The following AKAP13 variants were observed in gnomAD, a reference collection of about 807,000 sequenced individuals.
The protein encoded by AKAP13 is A-kinase anchoring protein 13.
In AKAP13, 80 loss-of-function variants were observed where a neutral mutation model predicts 264.5. That is an observed-to-expected ratio of 0.30 (90% CI 0.25 to 0.36). AKAP13 has a LOEUF of 0.36. AKAP13 is among the 10% of genes least tolerant of loss of function. The pLI is 1.00. For synonymous variants in AKAP13, 1,380 were observed against 1,250.2 expected (o/e 1.10, Z -2.19); for missense variants, 3,712 against 3,435.2 (o/e 1.08, Z -2.01).
intron 3 of AKAP13, among the ~76,000 whole-genome samples, chr15:85,525,740 A>G (rs557651645): frequency 3.1e-4 from 47 of 152,334 alleles, no homozygotes; most frequent in Non-Finnish European, 5.7e-4. Context: ...TTGTTTTTTT[A>G]AGACCTATGT....
At chr15:85,646,974 A>G (rs1256601060) in intron 10 of AKAP13, among the ~76,000 whole-genome samples, 9 of 152,240 alleles carry the variant, frequency 5.9e-5, no homozygotes, top group Admixed American at 4.6e-4. Context: ...AAGGAGGTGA[A>G]GAGGCGGAAA....
Position 85,599,966 on chromosome 15 carries a change from T to C in AKAP13, c.4161+14143T>C, listed in dbSNP as rs556334901. On this transcript the variant is annotated intron_variant, in intron 8 of 36. Transcript: ENST00000394518. ...CCTATTGGTTAGATAATACCAACCA[T>C]CTATTAGCAAACAAACATCAAGCTG... is the stretch of plus-strand genomic sequence containing the variant. Among the ~76,000 whole-genome samples, 77 of 152,296 alleles carry C rather than the reference T, an allele frequency of 5.1e-4. 1 individual carries two copies. In the South Asian group the frequency reaches 7.9e-3, roughly 16 times the overall value.
At chr15:85,563,061 A>C (rs2078462503) in intron 5 of AKAP13, among the ~76,000 whole-genome samples, 1 of 152,004 alleles carries the variant, frequency 6.6e-6, no homozygotes, top group Non-Finnish European at 1.5e-5. Context: ...TAGAAGCGAA[A>C]TAATTTGTCT....
intron 1 of AKAP13, among the ~76,000 whole-genome samples, chr15:85,485,315 C>T (rs1391892382): frequency 6.6e-6 from 1 of 152,102 alleles, no homozygotes; most frequent in African/African-American, 2.4e-5. Context: ...TTTCCAGGCT[C>T]CCTAGTAAGA....
At chr15:85,477,637 GAAA>G (rs1309806715) in intron 1 of AKAP13, among the ~76,000 whole-genome samples, 4 of 49,704 alleles carry the variant, frequency 8.0e-5, no homozygotes, top group African/African-American at 2.8e-4. Flanking sequence ...TTAAAAAAAG[GAAA>G]AAAAAAAAAA....
In AKAP13 at chr15:85,722,002, G is replaced by C; in HGVS notation, c.6264G>C (p.Glu2088Asp). ...TCTTTTCTCTGCAGTTTTCAGGTGA[G>C]AATGCAGAACGTTTAAAGAAGACAT... is the stretch of plus-strand genomic sequence containing the variant. ...GDVLVNQFSG[E>D]NAERLKKTYG... Residue 2088 changes from glutamate (E) to aspartate (D), a missense_variant, in exon 24 of 37, where the codon GAG becomes GAC. By Grantham distance (45) the Glu-to-Asp change is conservative. Coordinates refer to ENST00000394518, the MANE Select transcript of AKAP13 (RefSeq NM_007200.5). The C allele has an allele frequency of 6.2e-7, 1 of 1,614,072 alleles. No homozygotes were observed. The highest frequency in any genetic ancestry group is 1.3e-5 in the African/African-American group (1 of 75,064).
chr15:85,622,660 A>T (rs2081247325), intron 8 of AKAP13, among the ~76,000 whole-genome samples: 1 of 152,230 alleles, frequency 6.6e-6, no homozygotes, highest in Non-Finnish European at 1.5e-5. Flanking sequence ...AGACACAGGC[A>T]TATAGTGTTT....
At chr15:85,585,325 C>T (rs1455539252) in intron 7 of AKAP13, among the ~76,000 whole-genome samples, 2 of 152,050 alleles carry the variant, frequency 1.3e-5, no homozygotes, top group African/African-American at 4.8e-5. Context: ...TGATGATGGC[C>T]AAGATGGACT....
chr15:85,571,800 C>T (rs542126751), intron 5 of AKAP13, among the ~76,000 whole-genome samples: 2 of 152,252 alleles, frequency 1.3e-5, no homozygotes, highest in East Asian at 3.9e-4. Context: ...GACCTGTAGG[C>T]GAAATGAGTT....
In AKAP13 at chr15:85,735,125, C is replaced by T. The variant is rs1452956975; in HGVS notation, c.7416C>T (p.Asp2472=). The T allele has an allele frequency of 6.2e-7, 1 of 1,614,058 alleles. No homozygotes were observed. The highest frequency in any genetic ancestry group is 1.1e-5 in the South Asian group (1 of 91,056). The stretch of plus-strand genomic sequence containing the variant: ...GAGCAGAGACCTTTGGAGGATTTGA[C>T]AGCCATCAGATGAATGCTTCAAAAG... ...PRRAETFGGF[D]SHQMNASKGG... Residue 2472 remains aspartate, a synonymous_variant, in exon 31 of 37, where the codon GAC becomes GAT. Transcript: ENST00000394518.
At chr15:85,736,027 C>G in intron 32 of AKAP13, 63 bp from the exon 33 acceptor site, 10 of 1,285,976 alleles carry the variant, frequency 7.8e-6, no homozygotes, top group Non-Finnish European at 1.1e-5. Context: ...CACAGAAACA[C>G]ACTGAATGTC....
At chr15:85,399,526 A>AT (rs1567038670) in intron 1 of AKAP13, among the ~76,000 whole-genome samples, 3 of 108,252 alleles carry the variant, frequency 2.8e-5, no homozygotes, top group East Asian at 2.4e-4. Flanking sequence ...AAAAAAATAA[A>AT]AAAATAAAAA....
chr15:85,425,913 A>G (rs1348703835), intron 1 of AKAP13, among the ~76,000 whole-genome samples: 2 of 152,158 alleles, frequency 1.3e-5, no homozygotes, highest in African/African-American at 2.4e-5. Context: ...TTAAAAAAAA[A>G]AAGAGTCATT....
chr15:85,481,715 T>C (rs1459334766), intron 1 of AKAP13, among the ~76,000 whole-genome samples: 1 of 152,232 alleles, frequency 6.6e-6, no homozygotes, highest in Non-Finnish European at 1.5e-5. Flanking sequence ...TTTAAGACTT[T>C]GAATTTTGAC....
intron 1 of AKAP13, among the ~76,000 whole-genome samples, chr15:85,473,855 G>A (rs1399489805): frequency 6.6e-6 from 1 of 152,194 alleles, no homozygotes; most frequent in East Asian, 1.9e-4. Flanking sequence ...CAGCAATTTA[G>A]TGCACAGGAG....
At chr15:85,729,529 C>G (rs2087838240) in intron 29 of AKAP13, among the ~76,000 whole-genome samples, 1 of 152,148 alleles carries the variant, frequency 6.6e-6, no homozygotes, top group Admixed American at 6.5e-5. Context: ...GCGCCATGGT[C>G]TGCTGCTAAG....
At chr15:85,618,480 T>G (rs1382398518) in intron 8 of AKAP13, among the ~76,000 whole-genome samples, 1 of 152,042 alleles carries the variant, frequency 6.6e-6, no homozygotes, top group Non-Finnish European at 1.5e-5. Flanking sequence ...CTTTTTCTTT[T>G]GTTTCTTCAC....
At chr15:85,540,737 T>C (rs2077557339) in intron 4 of AKAP13, among the ~76,000 whole-genome samples, 1 of 152,260 alleles carries the variant, frequency 6.6e-6, no homozygotes, top group South Asian at 2.1e-4. Context: ...TTTATCCCTT[T>C]GCACCTTGGC....
At chr15:85,452,147 C>A (rs1047638645) in intron 1 of AKAP13, among the ~76,000 whole-genome samples, 1 of 149,488 alleles carries the variant, frequency 6.7e-6, no homozygotes, top group Non-Finnish European at 1.5e-5. Flanking sequence ...TTGGTTTATT[C>A]TGCTGTTAAT....
Sources: gnomAD v4.1 joint callset for allele counts (sites outside exome capture counted in the v4.1 genomes callset) on GRCh38, gnomAD v4.1.1 for gene constraint, MANE v1.5 for transcripts, NCBI Gene and HGNC (gene_info 2026-07-23, HGNC 2026-07-21) for gene names.